Variants in ZGPAT observed in about 807,000 individuals in gnomAD.
ZGPAT encodes zinc finger CCCH-type and G-patch domain containing, also known as zinc finger CCCH-type with G patch domain-containing protein.
Under a neutral mutation model 47.9 loss-of-function variants are expected in ZGPAT, and 39 were observed. That is an observed-to-expected ratio of 0.81 (90% CI 0.63 to 1.06). The LOEUF (loss-of-function observed/expected upper bound fraction) is 1.06. Among genes scored for constraint, ZGPAT ranks in the 50% least tolerant of loss-of-function variants. ZGPAT has a pLI of 0.00. For synonymous variants in ZGPAT, 348 were observed against 292.9 expected (o/e 1.19, Z -1.92); for missense variants, 717 against 681.4 (o/e 1.05, Z -0.58).
Position 63,735,417 on chromosome 20 carries a change from C to CG in ZGPAT, c.1254dup (p.Arg419GlufsTer25). ...GCCCTAGAAGCCGGGGCGGCCCCAG[C>CG]GGGGAGGAGGAGCAAGGACATGTAC... On this transcript the variant is annotated frameshift_variant, in exon 6 of 7. Transcript: ENST00000355969. LOFTEE classifies it high-confidence loss of function. 1 of 1,568,726 alleles carries CG rather than the reference C, an allele frequency of 6.4e-7. No homozygotes were observed. Among genetic ancestry groups the CG allele is most frequent in the Non-Finnish European group, 8.6e-7 (1 of 1,160,122 alleles).
upstream of ZGPAT, chr20:63,707,537 C>G (rs1490085837): frequency 6.1e-6 from 1 of 164,400 alleles, no homozygotes; most frequent in Non-Finnish European, 1.3e-5. Context: ...GGCGCGCTCC[C>G]CAGGAGCCCC....
In ZGPAT at chr20:63,708,730, C is replaced by T. The variant is rs754673813; in HGVS notation, c.150C>T (p.Thr50=). 5.6e-6 allele frequency: 9 copies of T among 1,612,688 alleles called. No individual in the cohort carries two copies. Among genetic ancestry groups the T allele is most frequent in the Non-Finnish European group, 6.8e-6 (8 of 1,179,840 alleles). The change falls in exon 2 of 7, where the codon ACC becomes ACT. Residue 50 remains threonine, a synonymous_variant. Coordinates refer to ENST00000355969, the MANE Select transcript of ZGPAT (RefSeq NM_181485.3). ...QGDLKELIEL[T]EASLVSVRKS... Reference sequence around the variant, plus strand: ...ACCTGAAGGAGCTCATCGAGCTCACCGAGGCCAGCCTGGTGTCTGTCAGGA... The same window carrying T: ...ACCTGAAGGAGCTCATCGAGCTCACTGAGGCCAGCCTGGTGTCTGTCAGGA...
chr20:63,713,423 G>C (rs2091691463), intron 2 of ZGPAT, among the ~76,000 whole-genome samples: 1 of 151,766 alleles, frequency 6.6e-6, no homozygotes, highest in South Asian at 2.1e-4. Context: ...GTAGAGATGG[G>C]GTTTCACCAT....
chr20:63,732,528 A>C lies in ZGPAT; in HGVS notation c.585-691A>C, dbSNP rs537780699. ...GCACGTGTGCGCGCGTGTGGGTGAGATGGCGTGTGCGTATATCCATGTATG... is the reference window on the plus strand; with the variant it reads ...GCACGTGTGCGCGCGTGTGGGTGAGCTGGCGTGTGCGTATATCCATGTATG... On this transcript the variant is annotated intron_variant, in intron 2 of 6. Coordinates refer to ENST00000355969, the MANE Select transcript of ZGPAT (RefSeq NM_181485.3). Among the ~76,000 whole-genome samples, 13 of 151,574 alleles carry C rather than the reference A, an allele frequency of 8.6e-5. 1 individual carries two copies. Among genetic ancestry groups the C allele is most frequent in the African/African-American group, 3.2e-4 (13 of 41,256 alleles).
At chr20:63,731,608 C>A (rs2091904413) in intron 2 of ZGPAT, among the ~76,000 whole-genome samples, 1 of 140,990 alleles carries the variant, frequency 7.1e-6, no homozygotes, top group African/African-American at 2.7e-5. Context: ...TACAGTTGGC[C>A]CTTGGTGTGT....
Position 63,708,535 on chromosome 20 carries a change from T to C in ZGPAT, c.-28-18T>C, listed in dbSNP as rs1369147786. 1 of 1,524,456 alleles carries C rather than the reference T, an allele frequency of 6.6e-7. No individual in the cohort carries two copies. The highest frequency in any genetic ancestry group is 1.4e-5 in the African/African-American group (1 of 72,462). 94.4% of individuals were successfully genotyped at this position (1,524,456 alleles called of 1,614,324 possible). ...TCGGTCCCGAGACGCGGGGCTCAGC[T>C]GGCTTCTCTTCTTGCAGCCCTGGTC... is the stretch of plus-strand genomic sequence containing the variant. On this transcript the variant is annotated intron_variant, in intron 1 of 6. Transcript: ENST00000355969.
At position 63,708,587 on chromosome 20, in the gene ZGPAT, G is replaced by A. The variant is rs1427831274; in HGVS notation, c.7G>A (p.Glu3Lys). The A allele has an allele frequency of 6.3e-7, 1 of 1,598,112 alleles. No individual in the cohort carries two copies. Among genetic ancestry groups the A allele is most frequent in the Non-Finnish European group, 8.5e-7 (1 of 1,169,726 alleles). MD[E>K]ESLESALQTY... Reference sequence around the variant, plus strand: ...AGCGCCTCCCTCTCTCAGCATGGACGAGGAGAGCCTGGAGTCGGCCTTGCA... The same window carrying A: ...AGCGCCTCCCTCTCTCAGCATGGACAAGGAGAGCCTGGAGTCGGCCTTGCA... Residue 3 changes from glutamate (E) to lysine (K), a missense_variant, in exon 2 of 7, where the codon GAG (glutamate) becomes AAG (lysine). By Grantham distance (56) the Glu-to-Lys change is moderately conservative. Transcript: ENST00000355969.
chr20:63,722,394 G>A (rs1431591895), intron 2 of ZGPAT, among the ~76,000 whole-genome samples: 1 of 152,182 alleles, frequency 6.6e-6, no homozygotes, highest in Non-Finnish European at 1.5e-5. Flanking sequence ...TATTGTGACA[G>A]TTTTGACAGC....
intron 2 of ZGPAT, among the ~76,000 whole-genome samples, chr20:63,732,078 G>A (rs55801431): frequency 2.7e-5 from 4 of 150,598 alleles, no homozygotes; most frequent in South Asian, 4.3e-4. Context: ...GTATATGCAT[G>A]CCATGTGTGT....
chr20:63,723,021 T>A, intron 2 of ZGPAT, among the ~76,000 whole-genome samples: 1 of 152,100 alleles, frequency 6.6e-6, no homozygotes, highest in South Asian at 2.1e-4. Flanking sequence ...AGTCCCAACC[T>A]CCCTTTTCCT....
chr20:63,708,557 G>T lies in ZGPAT; in HGVS notation c.-24G>T. Reference sequence around the variant, plus strand: ...AGCTGGCTTCTCTTCTTGCAGCCCTGGTCCAGCGCCTCCCTCTCTCAGCAT... The same window carrying T: ...AGCTGGCTTCTCTTCTTGCAGCCCTTGTCCAGCGCCTCCCTCTCTCAGCAT... On this transcript the variant is annotated 5_prime_UTR_variant, in exon 2 of 7. Transcript: ENST00000355969. 1 of 1,560,402 alleles carries T rather than the reference G, an allele frequency of 6.4e-7. No individual in the cohort carries two copies. The highest frequency in any genetic ancestry group is 1.2e-5 in the South Asian group (1 of 84,654).
intron 2 of ZGPAT, among the ~76,000 whole-genome samples, chr20:63,731,788 CA>C (rs2091907295): frequency 6.6e-6 from 1 of 152,186 alleles, no homozygotes; most frequent in African/African-American, 2.4e-5. Context: ...TCCATCATTT[CA>C]ACCAATCTCG....
chr20:63,725,720 T>C (rs550814941), intron 2 of ZGPAT, among the ~76,000 whole-genome samples: 12 of 151,748 alleles, frequency 7.9e-5, no homozygotes, highest in Non-Finnish European at 1.8e-4. Context: ...CTCATCTCCT[T>C]TTGGGAGTAC....
chr20:63,721,176 A>G (rs185199567), intron 2 of ZGPAT, among the ~76,000 whole-genome samples: 249 of 151,614 alleles, frequency 1.6e-3, no homozygotes, highest in Non-Finnish European at 3.2e-3. Flanking sequence ...GTATGGTGAA[A>G]CCCTGTCTCT....
At position 63,717,866 on chromosome 20, in the gene ZGPAT, A is replaced by G. The variant is rs112178456; in HGVS notation, c.584+8702A>G. On this transcript the variant is annotated intron_variant, in intron 2 of 6. Transcript: ENST00000355969. The stretch of plus-strand genomic sequence containing the variant: ...GAGACCAGCCTGGCCGACAGGGAGA[A>G]ACCCCATCTCTACTAAAAATACAAA... Among the ~76,000 whole-genome samples the G allele has an allele frequency of 3.3e-5, 5 of 152,234 alleles. No individual in the cohort carries two copies. The East Asian group carries it at 9.7e-4, about 29-fold the overall frequency.
chr20:63,734,291 G>A (rs2145704171), intron 4 of ZGPAT: 2 of 284,302 alleles, frequency 7.0e-6, no homozygotes, highest in South Asian at 1.2e-4. Flanking sequence ...CATGTTGGAG[G>A]TGTACCCAGG....
At chr20:63,707,892 G>C (rs962285567), upstream of ZGPAT, 40 of 152,836 alleles carry the variant, frequency 2.6e-4, no homozygotes, top group African/African-American at 9.4e-4. Context: ...CCTCGGAGCC[G>C]CTGCTGCTGA....
intron 2 of ZGPAT, among the ~76,000 whole-genome samples, chr20:63,729,220 G>T (rs1341313512): frequency 1.3e-5 from 2 of 151,970 alleles, no homozygotes; most frequent in African/African-American, 4.8e-5. Flanking sequence ...GGTAGAGGTG[G>T]GGTTTCACCA....
intron 2 of ZGPAT, among the ~76,000 whole-genome samples, chr20:63,729,789 G>A (rs546546024): frequency 6.6e-5 from 10 of 152,094 alleles, no homozygotes; most frequent in Non-Finnish European, 1.3e-4. Context: ...ATGTCACTGA[G>A]GCGGAAGGAT....
Sources: allele counts gnomAD v4.1 joint callset (sites outside exome capture counted in the v4.1 genomes callset), GRCh38; gene constraint gnomAD v4.1.1; transcripts MANE v1.5; gene names NCBI Gene and HGNC (gene_info 2026-07-23, HGNC 2026-07-21).